PPM1D: variants seen among roughly 807,000 people sequenced by gnomAD.
The protein encoded by PPM1D is protein phosphatase, Mg2+/Mn2+ dependent 1D.
Under a neutral mutation model 58.3 loss-of-function variants are expected in PPM1D, and 52 were observed. The observed-to-expected ratio is 0.89, with a 90% confidence interval of 0.71 to 1.12. The LOEUF (loss-of-function observed/expected upper bound fraction) is 1.12. PPM1D is among the 50% of genes most tolerant of loss of function. The pLI, the probability that PPM1D is intolerant of heterozygous loss-of-function variation, is 0.00. For missense variants in PPM1D, 564 were observed against 777.2 expected, an observed-to-expected ratio of 0.73 and a Z score of 3.26; for synonymous variants, 278 against 285.1, an observed-to-expected ratio of 0.98 and a Z score of 0.25.
At chr17:60,615,871 A>G (rs1385233907) in intron 1 of PPM1D, among the ~76,000 whole-genome samples, 2 of 151,986 alleles carry the variant, frequency 1.3e-5, no homozygotes, top group Non-Finnish European at 2.9e-5. Flanking sequence ...GCTGGAGTAT[A>G]GTAGCTATTC....
intron 4 of PPM1D, among the ~76,000 whole-genome samples, chr17:60,648,585 T>A (rs2143703826): frequency 6.6e-6 from 1 of 151,874 alleles, no homozygotes. Flanking sequence ...GGGTTTCACC[T>A]TGTTAGCCAG....
At chr17:60,619,639 G>A (rs2030658550) in intron 1 of PPM1D, among the ~76,000 whole-genome samples, 1 of 151,460 alleles carries the variant, frequency 6.6e-6, no homozygotes, top group Non-Finnish European at 1.5e-5. Flanking sequence ...GGGTCTTCTC[G>A]CTCTGTTGCT....
Position 60,600,474 on chromosome 17 carries a change from C to T in PPM1D, c.60C>T (p.Tyr20=). The T allele has an allele frequency of 6.4e-7, 1 of 1,574,642 alleles. No homozygotes were observed. The highest frequency in any genetic ancestry group is 8.6e-7 in the Non-Finnish European group (1 of 1,160,266). The change falls in exon 1 of 6, where the codon TAC becomes TAT. Residue 20 remains tyrosine (Y), a synonymous_variant. Transcript: ENST00000305921. ...TCTCCGACCAGGGCGGGAGGAAGTA[C>T]ATGGAGGACGTTACTCAAATCGTTG... is the stretch of plus-strand genomic sequence containing the variant. ...SVFSDQGGRK[Y]MEDVTQIVVE...
intron 2 of PPM1D, among the ~76,000 whole-genome samples, chr17:60,630,341 A>G (rs1029111166): frequency 6.6e-6 from 1 of 152,066 alleles, no homozygotes; most frequent in Non-Finnish European, 1.5e-5. Context: ...ATTTGATTTT[A>G]ATAATGTTTT....
chr17:60,662,867 G>A (rs118186355), intron 5 of PPM1D, 128 bp from the exon 6 acceptor site: 16,824 of 803,514 alleles, frequency 0.021, 204 homozygotes, highest in Middle Eastern at 0.04. Context: ...GAAGGTGAAC[G>A]AATTAGTGAA....
At chr17:60,605,571 C>T (rs1255372882) in intron 1 of PPM1D, among the ~76,000 whole-genome samples, 1 of 152,142 alleles carries the variant, frequency 6.6e-6, no homozygotes, top group Non-Finnish European at 1.5e-5. Flanking sequence ...ATTAAAATTT[C>T]TCCTTTTAAA....
At chr17:60,662,424 G>A (rs1259253010) in intron 5 of PPM1D, 1 of 152,434 alleles carries the variant, frequency 6.6e-6, no homozygotes, top group Non-Finnish European at 1.5e-5. Context: ...TATATGTGCT[G>A]CTGTAGTAAG....
chr17:60,658,839 G>A (rs953302194), intron 5 of PPM1D, among the ~76,000 whole-genome samples: 2 of 152,078 alleles, frequency 1.3e-5, no homozygotes, highest in Non-Finnish European at 2.9e-5. Context: ...GCTCGTGCCT[G>A]TAATCCCAGC....
At position 60,666,024 on chromosome 17, in the gene PPM1D, C is replaced by T. The variant is rs899165737; in HGVS notation, c.*2472C>T. The T allele has an allele frequency of 6.6e-5, 10 of 152,184 alleles. No individual in the cohort carries two copies. Among genetic ancestry groups the T allele is most frequent in the African/African-American group, 2.4e-4 (10 of 41,442 alleles). 9.4% of individuals were successfully genotyped at this position (152,184 alleles called of 1,614,324 possible). ...AACTACAACGTGGGAGACTCCTACA[C>T]AAGGCATGAATTCTAGGAGGTGGGC... is the stretch of plus-strand genomic sequence containing the variant. On this transcript the variant is annotated 3_prime_UTR_variant, in exon 6 of 6. Transcript: ENST00000305921.
rs558268836 is a variant in PPM1D at position 60,656,992 on chromosome 17, T to C, written c.1260+151T>C. 3.2e-6 allele frequency: 5 copies of C among 1,557,098 alleles called. No individual in the cohort carries two copies. The South Asian group carries it at 4.6e-5, about 14-fold the overall frequency. ...TAACTTATTATCAGAGAGCCATCTT[T>C]ACATCAATACTAATCTGAATGCCAG... is the stretch of plus-strand genomic sequence containing the variant. On this transcript the variant is annotated intron_variant, in intron 5 of 5. Transcript: ENST00000305921.
chr17:60,633,742 C>T, intron 2 of PPM1D, 111 bp from the exon 3 acceptor site: 1 of 1,155,608 alleles, frequency 8.7e-7, no homozygotes. Flanking sequence ...ACACATAAGA[C>T]ATTATTTTGT....
intron 1 of PPM1D, among the ~76,000 whole-genome samples, chr17:60,615,978 A>G (rs968726306): frequency 1.3e-5 from 2 of 152,024 alleles, no homozygotes; most frequent in Non-Finnish European, 2.9e-5. Context: ...GGCATGAGTG[A>G]CTGCACCCAG....
chr17:60,657,056 C>A, intron 5 of PPM1D: 1 of 1,450,462 alleles, frequency 6.9e-7, no homozygotes, highest in Non-Finnish European at 9.0e-7. Context: ...ATTGTGGGCC[C>A]TTAAGAATAT....
At chr17:60,627,597 T>C (rs1439187238) in intron 2 of PPM1D, among the ~76,000 whole-genome samples, 1 of 152,050 alleles carries the variant, frequency 6.6e-6, no homozygotes, top group Non-Finnish European at 1.5e-5. Context: ...AATTTTTGTA[T>C]TTTTAGTAGA....
At chr17:60,617,355 T>G (rs529190909) in intron 1 of PPM1D, among the ~76,000 whole-genome samples, 17 of 152,056 alleles carry the variant, frequency 1.1e-4, no homozygotes, top group African/African-American at 4.1e-4. Flanking sequence ...TGTTTGTTTG[T>G]TTTTTAATTT....
At chr17:60,603,307 T>G (rs186748391) in intron 1 of PPM1D, among the ~76,000 whole-genome samples, 1 of 152,292 alleles carries the variant, frequency 6.6e-6, no homozygotes, top group Admixed American at 6.5e-5. Flanking sequence ...ATTTACTATA[T>G]GAGAAATTTA....
chr17:60,623,691 C>A lies in PPM1D; in HGVS notation c.643C>A (p.Gln215Lys). ...CTTTGTCAGAGCTGTGGAGGTGACA[C>A]AGGACCATAAGCCAGAACTTCCCAA... Reference protein sequence around the residue: ...DDFVRAVEVTQDHKPELPKER... With the variant: ...DDFVRAVEVTKDHKPELPKER... The change falls in exon 2 of 6, where the codon CAG becomes AAG. Residue 215 changes from glutamine to lysine, a missense_variant. Coordinates refer to ENST00000305921, the MANE Select transcript of PPM1D (RefSeq NM_003620.4). The A allele has an allele frequency of 1.2e-6, 2 of 1,614,174 alleles. No individual in the cohort carries two copies. The highest frequency in any genetic ancestry group is 8.5e-7 in the Non-Finnish European group (1 of 1,180,032).
chr17:60,645,482 G>GTATATATA (rs2031217207), intron 3 of PPM1D, among the ~76,000 whole-genome samples: 2 of 138,488 alleles, frequency 1.4e-5, no homozygotes, highest in African/African-American at 6.1e-5. Context: ...GTGTGTGTGT[G>GTATATATA]TGTGTGTGTG....
chr17:60,652,008 T>C (rs894207965), intron 4 of PPM1D, among the ~76,000 whole-genome samples: 1 of 152,220 alleles, frequency 6.6e-6, no homozygotes, highest in Admixed American at 6.5e-5. Flanking sequence ...CACTTAAAAA[T>C]AGAGATTTTT....
Sources: gnomAD v4.1 joint callset for allele counts (sites outside exome capture counted in the v4.1 genomes callset) on GRCh38, gnomAD v4.1.1 for gene constraint, MANE v1.5 for transcripts, NCBI Gene and HGNC (gene_info 2026-07-23, HGNC 2026-07-21) for gene names.